The following GARRE1 variants were observed in gnomAD, a reference collection of about 807,000 sequenced individuals.
GARRE1 encodes the protein granule associated Rac and RHOG effector 1.
In GARRE1, 49 loss-of-function variants were observed where a neutral mutation model predicts 103.2. The ratio of observed to expected loss-of-function variants is 0.47; its 90% confidence interval spans 0.38 to 0.60. GARRE1 has a LOEUF of 0.60. Ranked by LOEUF, GARRE1 falls within the 20% of genes least tolerant of loss-of-function variation. GARRE1 has a pLI of 0.00. For missense variants in GARRE1, 1,199 were observed against 1,370.5 expected (o/e 0.87, Z 1.98); for synonymous variants, 505 against 532.8 (o/e 0.95, Z 0.72).
At chr19:34,275,673 T>C (rs532465530) in intron 1 of GARRE1, among the ~76,000 whole-genome samples, 1 of 152,366 alleles carries the variant, frequency 6.6e-6, no homozygotes, top group South Asian at 2.1e-4. Context: ...ATGATAATAC[T>C]GCTCCAAACG....
In GARRE1 at chr19:34,333,836, TCTGA is replaced by T. The variant is rs145080331; in HGVS notation, c.1361+41_1361+44del. On this transcript the variant is annotated intron_variant, in intron 8 of 13. Transcript: ENST00000299505. ...CTCTTACTTTCACCGGAGCCTAAGCTCTGACTGACGTTTGCACATCTTTGAAATG... is the reference window on the plus strand; with the variant it reads ...CTCTTACTTTCACCGGAGCCTAAGCTCTGACGTTTGCACATCTTTGAAATG... 10,902 of 1,217,502 alleles carry T rather than the reference TCTGA, an allele frequency of 9.0e-3. 569 individuals are homozygous for T. In the East Asian group the frequency reaches 0.13, roughly 15 times the overall value. 75.4% of individuals were successfully genotyped at this position (1,217,502 alleles called of 1,614,324 possible). A position where few individuals can be genotyped will look rare whatever the true frequency, so the allele number is the denominator to read the frequency against.
intron 1 of GARRE1, among the ~76,000 whole-genome samples, chr19:34,271,245 CTTTTT>C (rs1199086211): frequency 9.5e-6 from 1 of 105,690 alleles, no homozygotes; most frequent in Non-Finnish European, 2.0e-5. Context: ...TGTGCACTTT[CTTTTT>C]TTTTTTTTTT....
chr19:34,333,538 T>C (rs1002433228), intron 7 of GARRE1, among the ~76,000 whole-genome samples, 166 bp from the exon 8 acceptor site: 8 of 152,200 alleles, frequency 5.3e-5, no homozygotes, highest in Non-Finnish European at 1.5e-5. Flanking sequence ...TGGTCATCTG[T>C]TACTACTTGC....
intron 1 of GARRE1, among the ~76,000 whole-genome samples, chr19:34,263,265 GAGAT>G (rs147778168): frequency 0.059 from 8,854 of 149,560 alleles, 469 homozygotes; most frequent in African/African-American, 0.14. Flanking sequence ...TCTCGATAGA[GAGAT>G]AGATAGATAG....
chr19:34,284,527 C>A (rs931447093), intron 1 of GARRE1, among the ~76,000 whole-genome samples: 9 of 152,292 alleles, frequency 5.9e-5, no homozygotes, highest in African/African-American at 1.4e-4. Context: ...TGGCTGAATT[C>A]AGTTTTAATC....
At chr19:34,305,763 C>T (rs1051845184) in intron 2 of GARRE1, among the ~76,000 whole-genome samples, 4 of 152,278 alleles carry the variant, frequency 2.6e-5, no homozygotes, top group Non-Finnish European at 5.9e-5. Flanking sequence ...AAGCTGAGAA[C>T]GGGAAATACT....
chr19:34,319,935 T>G lies in GARRE1; in HGVS notation c.524T>G (p.Val175Gly). The change falls in exon 3 of 14, where the codon GTG becomes GGG. Residue 175 changes from valine to glycine, a missense_variant. Val to Gly is a moderately radical substitution (Grantham distance 109). Transcript: ENST00000299505. ...EVLGRCFLTV[V>G]QVHFQFLTHA... ...TTGGGGCGATGTTTCCTGACTGTGG[T>G]GCAAGTCCATTTCCAGTTTTTGACT... is the stretch of plus-strand genomic sequence containing the variant. The G allele has an allele frequency of 2.5e-6, 4 of 1,614,240 alleles. No individual in the cohort carries two copies. Among genetic ancestry groups the G allele is most frequent in the Non-Finnish European group, 3.4e-6 (4 of 1,180,046 alleles).
chr19:34,307,086 A>G (rs948096500), intron 2 of GARRE1, among the ~76,000 whole-genome samples: 2 of 152,144 alleles, frequency 1.3e-5, no homozygotes, highest in Non-Finnish European at 2.9e-5. Flanking sequence ...AAGAGCAGGA[A>G]AGAACCTGCT....
chr19:34,297,353 C>T (rs1485664316), intron 1 of GARRE1, among the ~76,000 whole-genome samples: 1 of 152,008 alleles, frequency 6.6e-6, no homozygotes, highest in Non-Finnish European at 1.5e-5. Flanking sequence ...AATAGTATAA[C>T]TTTAAGCATT....
chr19:34,326,920 C>T (rs548517476), intron 3 of GARRE1, among the ~76,000 whole-genome samples: 1 of 151,942 alleles, frequency 6.6e-6, no homozygotes, highest in African/African-American at 2.4e-5. Context: ...TTCGGGAGGC[C>T]GAGGTGGGTG....
chr19:34,348,271 A>G, intron 11 of GARRE1: 1 of 375,060 alleles, frequency 2.7e-6, no homozygotes, highest in Non-Finnish European at 4.7e-6. Context: ...ATTGGTATAC[A>G]TTCATGATTT....
At chr19:34,259,780 C>T (rs763547575) in intron 1 of GARRE1, among the ~76,000 whole-genome samples, 3 of 151,890 alleles carry the variant, frequency 2.0e-5, no homozygotes, top group Non-Finnish European at 2.9e-5. Flanking sequence ...AATTGTAGTT[C>T]CCATAATCCC....
chr19:34,290,996 TCC>T (rs1273833057), intron 1 of GARRE1, among the ~76,000 whole-genome samples: 1 of 141,512 alleles, frequency 7.1e-6, no homozygotes, highest in Admixed American at 7.6e-5. Context: ...AACCTCCGCC[TCC>T]CAGGTTCAAG....
At chr19:34,328,628 G>A (rs1422838387) in intron 6 of GARRE1, among the ~76,000 whole-genome samples, 2 of 152,030 alleles carry the variant, frequency 1.3e-5, no homozygotes, top group East Asian at 3.9e-4. Context: ...TTTTGAGACG[G>A]AGTTTTACTC....
intron 2 of GARRE1, among the ~76,000 whole-genome samples, chr19:34,312,613 C>T (rs1287683017): frequency 6.6e-6 from 1 of 152,146 alleles, no homozygotes; most frequent in African/African-American, 2.4e-5. Flanking sequence ...TGTTGTAGCT[C>T]GCATCAGAAT....
chr19:34,333,681 T>G (rs1568309138), intron 7 of GARRE1, 23 bp from the exon 8 acceptor site: 5 of 1,193,070 alleles, frequency 4.2e-6, no homozygotes, highest in Non-Finnish European at 6.0e-6. Flanking sequence ...TTATTTGTTT[T>G]TTTTTTTTTT....
chr19:34,282,792 C>T (rs749068821), intron 1 of GARRE1, among the ~76,000 whole-genome samples: 1 of 152,144 alleles, frequency 6.6e-6, no homozygotes. Flanking sequence ...CCTGCTGATT[C>T]AAAGCTGGGC....
At chr19:34,295,121 A>T (rs950248146) in intron 1 of GARRE1, among the ~76,000 whole-genome samples, 1 of 152,192 alleles carries the variant, frequency 6.6e-6, no homozygotes, top group African/African-American at 2.4e-5. Flanking sequence ...AAATAATGCC[A>T]ATTTCCTGGG....
At chr19:34,259,330 G>A (rs1296686423) in intron 1 of GARRE1, among the ~76,000 whole-genome samples, 2 of 152,190 alleles carry the variant, frequency 1.3e-5, no homozygotes, top group East Asian at 3.9e-4. Flanking sequence ...TTTAGACTTT[G>A]TACCTTTTCT....
Sources: allele counts gnomAD v4.1 joint callset (sites outside exome capture counted in the v4.1 genomes callset), GRCh38; gene constraint gnomAD v4.1.1; transcripts MANE v1.5; gene names NCBI Gene and HGNC (gene_info 2026-07-23, HGNC 2026-07-21).